DNAAF9: variants seen among roughly 807,000 people sequenced by gnomAD.
The protein encoded by DNAAF9 is dynein axonemal assembly factor 9.
In DNAAF9, 90 loss-of-function variants were observed where a neutral mutation model predicts 167.0. That is an observed-to-expected ratio of 0.54 (90% CI 0.45 to 0.64). The LOEUF (loss-of-function observed/expected upper bound fraction) is 0.64, where lower values mean the gene tolerates loss of function less well. Ranked by LOEUF, DNAAF9 falls within the 30% of genes least tolerant of loss-of-function variation. The pLI, the probability that DNAAF9 is intolerant of heterozygous loss-of-function variation, is 0.00. For missense variants in DNAAF9, 1,315 were observed against 1,442.2 expected, an observed-to-expected ratio of 0.91 and a Z score of 1.43; for synonymous variants, 491 against 508.8, an observed-to-expected ratio of 0.96 and a Z score of 0.47.
chr20:3,321,283 G>A (rs888010820), intron 16 of DNAAF9, among the ~76,000 whole-genome samples: 1 of 152,150 alleles, frequency 6.6e-6, no homozygotes, highest in Non-Finnish European at 1.5e-5. Flanking sequence ...ACATTGTAGA[G>A]TGTACTTAAA....
rs2068342153 is a variant in DNAAF9, at chr20:3,259,501, G to A, written c.3034C>T (p.Leu1012=). The part of the protein sequence containing the change: ...SPFSGNIYHI[L]GKVKFSDSER... ...TTACCTGAAAACTTCACTTTGCCCA[G>A]GATGTGGTAGATGTTTCCGGAGAAG... The change falls in exon 33 of 37, where the codon CTG becomes TTG. Residue 1012 remains leucine, a synonymous_variant. Coordinates refer to ENST00000252032, the MANE Select transcript of DNAAF9 (RefSeq NM_001009984.3). 1 of 1,611,822 alleles carries A rather than the reference G, an allele frequency of 6.2e-7. No homozygotes were observed. Among genetic ancestry groups the A allele is most frequent in the South Asian group, 1.1e-5 (1 of 91,038 alleles).
At chr20:3,260,630 TTC>T (rs753556036) in intron 31 of DNAAF9, among the ~76,000 whole-genome samples, 2 of 152,090 alleles carry the variant, frequency 1.3e-5, no homozygotes, top group South Asian at 2.1e-4. Context: ...GCCCTCCCAT[TTC>T]TCTCTCTTTT....
chr20:3,296,432 C>G (rs1458437194), intron 23 of DNAAF9: 1 of 315,098 alleles, frequency 3.2e-6, no homozygotes, highest in Non-Finnish European at 6.2e-6. Flanking sequence ...GGCTGAAGTG[C>G]AATGGCATGG....
At chr20:3,293,613 G>A (rs1454222913) in intron 25 of DNAAF9, among the ~76,000 whole-genome samples, 1 of 148,708 alleles carries the variant, frequency 6.7e-6, no homozygotes, top group African/African-American at 2.5e-5. Context: ...TGAGCCCAGG[G>A]GGCGGAGGTT....
intron 1 of DNAAF9, among the ~76,000 whole-genome samples, chr20:3,386,552 G>C (rs2083741265): frequency 6.6e-6 from 1 of 152,128 alleles, no homozygotes; most frequent in African/African-American, 2.4e-5. Flanking sequence ...CCTAGGATTT[G>C]GTGAAGAGTT....
intron 35 of DNAAF9, 100 bp from the exon 36 acceptor site, chr20:3,253,919 C>A (rs2068234671): frequency 1.4e-6 from 1 of 718,240 alleles, no homozygotes; most frequent in Non-Finnish European, 2.5e-6. Flanking sequence ...AGATAGACTA[C>A]TCTGCTATAC....
chr20:3,367,246 C>G (rs985669661), intron 6 of DNAAF9, among the ~76,000 whole-genome samples: 1 of 152,238 alleles, frequency 6.6e-6, no homozygotes, highest in Non-Finnish European at 1.5e-5. Context: ...TAGGGCTTTG[C>G]TCTGGATTAG....
intron 27 of DNAAF9, among the ~76,000 whole-genome samples, chr20:3,285,954 T>G (rs1401302396): frequency 1.3e-5 from 2 of 149,110 alleles, no homozygotes; most frequent in Non-Finnish European, 3.0e-5. Flanking sequence ...CACTCCAGCC[T>G]GGGCAACAGA....
At chr20:3,269,248 C>T (rs1009055481) in intron 30 of DNAAF9, among the ~76,000 whole-genome samples, 15 of 150,566 alleles carry the variant, frequency 1.0e-4, no homozygotes, top group African/African-American at 3.7e-4. Context: ...CTCACTACTT[C>T]GCTCAGGCTG....
At chr20:3,383,458 G>C (rs1329096676) in intron 1 of DNAAF9, among the ~76,000 whole-genome samples, 4 of 151,796 alleles carry the variant, frequency 2.6e-5, no homozygotes, top group Non-Finnish European at 5.9e-5. Flanking sequence ...AGCAGAGATG[G>C]AGTTTTGCCA....
chr20:3,310,138 G>C (rs2123011474), intron 20 of DNAAF9, among the ~76,000 whole-genome samples: 2 of 151,928 alleles, frequency 1.3e-5, no homozygotes, highest in East Asian at 3.9e-4. Flanking sequence ...GTTGCAGTGA[G>C]CCAAGATCGT....
At chr20:3,359,356 C>T (rs1600853436) in intron 7 of DNAAF9, among the ~76,000 whole-genome samples, 160 bp downstream of exon 7, 1 of 152,288 alleles carries the variant, frequency 6.6e-6, no homozygotes, top group South Asian at 2.1e-4. Context: ...TTCCTTTATA[C>T]CCCCAAGGAA....
chr20:3,395,057 T>C (rs1160252098), intron 1 of DNAAF9, among the ~76,000 whole-genome samples: 1 of 134,176 alleles, frequency 7.5e-6, no homozygotes, highest in Non-Finnish European at 1.6e-5. Flanking sequence ...AAGCTCCGCC[T>C]CCCGGGTTCA....
intron 35 of DNAAF9, among the ~76,000 whole-genome samples, 160 bp downstream of exon 35, chr20:3,255,059 C>T (rs542524793): frequency 1.3e-5 from 2 of 152,222 alleles, no homozygotes; most frequent in Admixed American, 6.5e-5. Context: ...GCTGCAAAGG[C>T]CAGAATTCTG....
In DNAAF9 at chr20:3,252,406, G is replaced by T; in HGVS notation, c.*166C>A. On this transcript the variant is annotated 3_prime_UTR_variant, in exon 37 of 37. Transcript: ENST00000252032. ...AATGGTGCAGGTGATGCTCTTCAGC[G>T]CTATACAGGGAATAAAGACAACATG... is the stretch of plus-strand genomic sequence containing the variant. 1.7e-6 allele frequency: 1 copy of T among 577,570 alleles called. No individual in the cohort carries two copies. The allele number at this position is 577,570 out of a possible 1,614,324, so 35.8% of individuals were successfully genotyped here.
At chr20:3,295,493 T>TTTAA in intron 23 of DNAAF9, 2 of 288,986 alleles carry the variant, frequency 6.9e-6, no homozygotes, top group South Asian at 3.5e-5. Context: ...TTTTTTTTTT[T>TTTAA]AAAGAAGCCC....
chr20:3,306,988 C>T, intron 20 of DNAAF9: 1 of 985,368 alleles, frequency 1.0e-6, no homozygotes, highest in Non-Finnish European at 1.2e-6. Flanking sequence ...TATCCCTCTA[C>T]ATTTGTACTT....
intron 3 of DNAAF9, among the ~76,000 whole-genome samples, chr20:3,380,545 C>T (rs1411361250): frequency 6.6e-6 from 1 of 152,182 alleles, no homozygotes; most frequent in Non-Finnish European, 1.5e-5. Flanking sequence ...GCATCCCCTA[C>T]CCAGTTTTGA....
chr20:3,345,121 C>A (rs2070168532), intron 8 of DNAAF9, among the ~76,000 whole-genome samples: 1 of 152,114 alleles, frequency 6.6e-6, no homozygotes, highest in Non-Finnish European at 1.5e-5. Flanking sequence ...CAGGTTCAAG[C>A]AATTCTCCTG....
Sources: allele counts gnomAD v4.1 joint callset (sites outside exome capture counted in the v4.1 genomes callset), GRCh38; gene constraint gnomAD v4.1.1; transcripts MANE v1.5; gene names NCBI Gene and HGNC (gene_info 2026-07-23, HGNC 2026-07-21).